The following PTPRD variants were observed in gnomAD, a reference collection of about 807,000 sequenced individuals.
PTPRD encodes protein tyrosine phosphatase receptor type D, also known as receptor-type tyrosine-protein phosphatase delta.
Under a neutral mutation model 214.5 loss-of-function variants are expected in PTPRD, and 34 were observed. The ratio of observed to expected loss-of-function variants is 0.16; its 90% confidence interval spans 0.12 to 0.21. The LOEUF (loss-of-function observed/expected upper bound fraction) is 0.21, where lower values mean the gene tolerates loss of function less well. Among genes scored for constraint, PTPRD ranks in the 10% least tolerant of loss-of-function variants. The pLI is 1.00. For synonymous variants in PTPRD, 1,128 were observed against 845.7 expected (o/e 1.33, Z -5.79); for missense variants, 2,545 against 2,398.7 (o/e 1.06, Z -1.27).
At chr9:8,716,555 G>C (rs191433137) in intron 12 of PTPRD, among the ~76,000 whole-genome samples, 22 of 151,192 alleles carry the variant, frequency 1.5e-4, no homozygotes, top group African/African-American at 5.4e-4. Flanking sequence ...CCTACACAGA[G>C]ATTGAAAGCC....
chr9:8,580,950 T>A (rs2093013746), intron 14 of PTPRD, among the ~76,000 whole-genome samples: 1 of 152,186 alleles, frequency 6.6e-6, no homozygotes, highest in Non-Finnish European at 1.5e-5. Flanking sequence ...AAAAGCAGAT[T>A]TGTTGTTGGT....
At chr9:9,423,226 C>A (rs2079500970) in intron 8 of PTPRD, among the ~76,000 whole-genome samples, 1 of 152,104 alleles carries the variant, frequency 6.6e-6, no homozygotes, top group African/African-American at 2.4e-5. Context: ...GCCTTAACCC[C>A]CAACATGATG....
At chr9:8,349,879 ACT>A (rs1403562776) in intron 39 of PTPRD, among the ~76,000 whole-genome samples, 1 of 151,144 alleles carries the variant, frequency 6.6e-6, no homozygotes, top group African/African-American at 2.4e-5. Context: ...CAGAACACAA[ACT>A]CTATATTTGT....
intron 7 of PTPRD, among the ~76,000 whole-genome samples, chr9:9,641,281 T>C (rs1414429871): frequency 6.6e-6 from 1 of 152,220 alleles, no homozygotes; most frequent in African/African-American, 2.4e-5. Context: ...TTTCATCAGC[T>C]GAAAATCTTT....
intron 7 of PTPRD, among the ~76,000 whole-genome samples, chr9:9,610,553 T>A (rs998152086): frequency 2.0e-5 from 3 of 152,188 alleles, no homozygotes; most frequent in Non-Finnish European, 4.4e-5. Flanking sequence ...GAGACCAGTA[T>A]GCTACCTTGG....
At chr9:9,833,525 A>C (rs10978018) in intron 5 of PTPRD, among the ~76,000 whole-genome samples, 3,617 of 151,622 alleles carry the variant, frequency 0.024, 57 homozygotes, top group Middle Eastern at 0.055. Flanking sequence ...TGTCATTGAT[A>C]ACATCTTATC....
intron 3 of PTPRD, among the ~76,000 whole-genome samples, chr9:10,303,526 A>G (rs2095940703): frequency 6.6e-6 from 1 of 152,160 alleles, no homozygotes; most frequent in Non-Finnish European, 1.5e-5. Context: ...ACAGACTAAT[A>G]AAGAAGAAAA....
chr9:9,292,661 G>A (rs1370119842), intron 9 of PTPRD, among the ~76,000 whole-genome samples: 3 of 151,182 alleles, frequency 2.0e-5, no homozygotes, highest in Non-Finnish European at 4.4e-5. Flanking sequence ...ATTACCTAAT[G>A]TCCTTTTTCT....
intron 5 of PTPRD, among the ~76,000 whole-genome samples, chr9:9,784,345 C>T (rs968873692): frequency 5.3e-5 from 8 of 151,842 alleles, no homozygotes; most frequent in South Asian, 4.1e-4. Context: ...AATCTAGTGA[C>T]GTAATTTTTA....
intron 7 of PTPRD, among the ~76,000 whole-genome samples, chr9:9,672,397 T>G (rs140527458): frequency 3.9e-5 from 6 of 152,320 alleles, no homozygotes; most frequent in South Asian, 2.1e-4. Context: ...ATGTGCCTGC[T>G]GCTGTTTTGA....
At chr9:10,500,523 C>G (rs918964200) in intron 2 of PTPRD, among the ~76,000 whole-genome samples, 1 of 151,892 alleles carries the variant, frequency 6.6e-6, no homozygotes, top group African/African-American at 2.4e-5. Context: ...CCCATCCCAT[C>G]AAGCATTTAT....
At chr9:9,808,006 T>C (rs946368370) in intron 5 of PTPRD, among the ~76,000 whole-genome samples, 3 of 152,194 alleles carry the variant, frequency 2.0e-5, no homozygotes, top group Non-Finnish European at 2.9e-5. Context: ...GATGGTGAGC[T>C]GTCCCCTTTT....
At chr9:10,453,296 C>T (rs1490738278) in intron 2 of PTPRD, among the ~76,000 whole-genome samples, 1 of 151,408 alleles carries the variant, frequency 6.6e-6, no homozygotes, top group Non-Finnish European at 1.5e-5. Context: ...TTTGACTATT[C>T]ATGAGATTTT....
intron 14 of PTPRD, among the ~76,000 whole-genome samples, chr9:8,614,542 T>C (rs557207945): frequency 1.2e-4 from 19 of 152,286 alleles, no homozygotes; most frequent in African/African-American, 4.3e-4. Context: ...AAGTACTCTT[T>C]AGGACTGAGT....
chr9:9,982,741 C>T (rs1311363675), intron 4 of PTPRD, among the ~76,000 whole-genome samples: 1 of 151,250 alleles, frequency 6.6e-6, no homozygotes, highest in Admixed American at 6.6e-5. Flanking sequence ...AGCAAAAGGT[C>T]CTAAAAATTA....
chr9:8,717,471 A>G (rs533437774), intron 12 of PTPRD, among the ~76,000 whole-genome samples: 4 of 152,242 alleles, frequency 2.6e-5, no homozygotes, highest in African/African-American at 4.8e-5. Flanking sequence ...CCCTCATTCT[A>G]TTTGACTTCA....
At chr9:9,450,977 A>ACAC (rs1162961369) in intron 8 of PTPRD, among the ~76,000 whole-genome samples, 1 of 151,504 alleles carries the variant, frequency 6.6e-6, no homozygotes, top group Non-Finnish European at 1.5e-5. Flanking sequence ...ACACACACAC[A>ACAC]CACACACACA....
intron 10 of PTPRD, among the ~76,000 whole-genome samples, chr9:9,083,604 A>C (rs1352474526): frequency 2.0e-5 from 3 of 152,196 alleles, no homozygotes; most frequent in African/African-American, 7.2e-5. Flanking sequence ...CTATCATCAG[A>C]GTGAACAGGC....
chr9:9,180,866 C>G (rs1420940437), intron 10 of PTPRD, among the ~76,000 whole-genome samples: 1 of 151,990 alleles, frequency 6.6e-6, no homozygotes, highest in East Asian at 1.9e-4. Context: ...CACATCATGT[C>G]TTAAAAATTT....
Sources: gnomAD v4.1 joint callset for allele counts (sites outside exome capture counted in the v4.1 genomes callset) on GRCh38, gnomAD v4.1.1 for gene constraint, MANE v1.5 for transcripts, NCBI Gene and HGNC (gene_info 2026-07-23, HGNC 2026-07-21) for gene names.